Variants in ITGBL1 observed in about 807,000 individuals in gnomAD.
The protein encoded by ITGBL1 is integrin beta-like protein 1.
Under a neutral mutation model 68.5 loss-of-function variants are expected in ITGBL1, and 51 were observed. The ratio of observed to expected loss-of-function variants is 0.74; its 90% CI spans 0.59 to 0.94. The LOEUF (loss-of-function observed/expected upper bound fraction) is 0.94, where lower values mean the gene tolerates loss of function less well. Ranked by LOEUF, ITGBL1 falls within the 40% of genes least tolerant of loss-of-function variation. The probability of loss-of-function intolerance (pLI) is 0.00; values close to 1 mark genes in which losing one functional copy is unlikely to be tolerated. For synonymous variants in ITGBL1, 209 were observed against 227.3 expected (o/e 0.92, Z 0.72); for missense variants, 649 against 647.4 (o/e 1.00, Z -0.03).
chr13:101,678,795 C>T (rs190118888), intron 7 of ITGBL1, among the ~76,000 whole-genome samples: 186 of 151,662 alleles, frequency 1.2e-3, no homozygotes, highest in Admixed American at 3.0e-3. Context: ...CCACTGTGCC[C>T]GGCCCACTTT....
chr13:101,604,008 G>A (rs757103386), intron 7 of ITGBL1, among the ~76,000 whole-genome samples: 8 of 151,652 alleles, frequency 5.3e-5, no homozygotes, highest in Non-Finnish European at 8.8e-5. Context: ...AAACCAATAG[G>A]GATATGCACT....
intron 7 of ITGBL1, among the ~76,000 whole-genome samples, chr13:101,610,935 A>G (rs2031097872): frequency 6.6e-6 from 1 of 152,212 alleles, no homozygotes; most frequent in African/African-American, 2.4e-5. Context: ...TAGGCAGATA[A>G]TAATTTAGAA....
intron 3 of ITGBL1, among the ~76,000 whole-genome samples, chr13:101,574,733 G>A (rs949246486): frequency 6.6e-5 from 10 of 152,124 alleles, no homozygotes; most frequent in African/African-American, 1.9e-4. Flanking sequence ...TGGGGGATGT[G>A]GTAGAATCTT....
intron 2 of ITGBL1, among the ~76,000 whole-genome samples, chr13:101,540,032 G>T (rs2049662864): frequency 6.6e-6 from 1 of 152,044 alleles, no homozygotes; most frequent in Non-Finnish European, 1.5e-5. Context: ...GGCTTATTTT[G>T]CTGTGCAGAA....
At chr13:101,473,442 A>G (rs1467862029) in intron 2 of ITGBL1, among the ~76,000 whole-genome samples, 2 of 152,224 alleles carry the variant, frequency 1.3e-5, no homozygotes, top group African/African-American at 2.4e-5. Context: ...GCTGATGCCT[A>G]CAGACAGATC....
intron 1 of ITGBL1, among the ~76,000 whole-genome samples, 186 bp downstream of exon 1, chr13:101,453,117 C>T (rs533579277): frequency 9.8e-5 from 15 of 152,322 alleles, no homozygotes; most frequent in Admixed American, 5.9e-4. Flanking sequence ...TGTCCTTTTG[C>T]TTTTCCTTTG....
At chr13:101,641,399 G>T (rs2032362110) in intron 7 of ITGBL1, among the ~76,000 whole-genome samples, 1 of 151,814 alleles carries the variant, frequency 6.6e-6, no homozygotes, top group Non-Finnish European at 1.5e-5. Context: ...ATATAGAAAA[G>T]GAGTTAAAAT....
At position 101,509,817 on chromosome 13, in the gene ITGBL1, C is replaced by A. The variant is rs184332276; in HGVS notation, c.316+55717C>A. On this transcript the variant is annotated intron_variant, in intron 2 of 10. Transcript: ENST00000376180. ...TTAGTCTAATCTCCTTGAAAAACAC[C>A]ATTTTTCAAGTTTCCTGTTATTAAC... Among the ~76,000 whole-genome samples the A allele has an allele frequency of 2.6e-5, 4 of 152,134 alleles. No individual in the cohort carries two copies. The East Asian group carries it at 7.7e-4, about 29-fold the overall frequency.
At chr13:101,464,654 G>A (rs9585703) in intron 2 of ITGBL1, among the ~76,000 whole-genome samples, 9,994 of 151,842 alleles carry the variant, frequency 0.066, 989 homozygotes, top group African/African-American at 0.21. Flanking sequence ...TTGATTGCCT[G>A]TACAAACATA....
intron 7 of ITGBL1, among the ~76,000 whole-genome samples, chr13:101,604,924 G>T (rs191533136): frequency 0.014 from 1,023 of 72,884 alleles, 36 homozygotes; most frequent in Non-Finnish European, 0.023. Context: ...ATATATGTGT[G>T]TATATATACG....
chr13:101,686,429 A>G (rs2033756636), intron 7 of ITGBL1, among the ~76,000 whole-genome samples: 1 of 152,182 alleles, frequency 6.6e-6, no homozygotes, highest in Non-Finnish European at 1.5e-5. Context: ...TGTGGTCTAT[A>G]GGTGAGGTCT....
chr13:101,712,699 A>G (rs558017750), intron 9 of ITGBL1: 2 of 152,324 alleles, frequency 1.3e-5, no homozygotes, highest in African/African-American at 4.8e-5. Flanking sequence ...TAGTCAATGA[A>G]ATACTCCATG....
chr13:101,587,840 T>A (rs1379071063), intron 6 of ITGBL1, among the ~76,000 whole-genome samples: 5 of 152,092 alleles, frequency 3.3e-5, no homozygotes, highest in Admixed American at 6.6e-5. Context: ...ATATTGAATT[T>A]AAAAAAAATA....
intron 7 of ITGBL1, among the ~76,000 whole-genome samples, chr13:101,638,024 T>C (rs981610315): frequency 1.3e-5 from 2 of 152,144 alleles, no homozygotes; most frequent in African/African-American, 4.8e-5. Flanking sequence ...TATTACCAGA[T>C]ATTAATTTGA....
rs530864114 is a variant in ITGBL1, at chr13:101,590,526, G to C, written c.868+7170G>C. 3.9e-5 allele frequency among the ~76,000 whole-genome samples: 6 copies of C among 152,208 alleles called. No homozygotes were observed. The East Asian group carries it at 1.2e-3, about 29-fold the overall frequency. ...GGGTCCCGCATCGGCTAGATGTATTGTTCTAACCTTCACAGCCATTAAACT... is the reference window on the plus strand; with the variant it reads ...GGGTCCCGCATCGGCTAGATGTATTCTTCTAACCTTCACAGCCATTAAACT... On this transcript the variant is annotated intron_variant, in intron 6 of 10. Coordinates refer to ENST00000376180, the MANE Select transcript of ITGBL1 (RefSeq NM_004791.3).
At chr13:101,600,714 G>A (rs1039407549) in intron 7 of ITGBL1, among the ~76,000 whole-genome samples, 2 of 152,242 alleles carry the variant, frequency 1.3e-5, no homozygotes, top group East Asian at 3.9e-4. Context: ...TTTTGTCTTT[G>A]GTTCTGTTTA....
chr13:101,628,371 T>G (rs974329274), intron 7 of ITGBL1, among the ~76,000 whole-genome samples: 2 of 152,066 alleles, frequency 1.3e-5, no homozygotes, highest in Non-Finnish European at 2.9e-5. Context: ...TTTGCAAATA[T>G]TTTCTCCTTG....
intron 7 of ITGBL1, among the ~76,000 whole-genome samples, chr13:101,689,868 T>A (rs1024214870): frequency 1.3e-5 from 2 of 152,202 alleles, no homozygotes; most frequent in African/African-American, 2.4e-5. Flanking sequence ...ATAATTCAGT[T>A]ACACTTTTTC....
chr13:101,719,590 G>A (rs557293635), downstream of ITGBL1: 11 of 152,154 alleles, frequency 7.2e-5, no homozygotes, highest in Admixed American at 6.6e-4. Context: ...AAACAAAAAT[G>A]TTGTCACTTG....
Sources: allele counts gnomAD v4.1 joint callset (sites outside exome capture counted in the v4.1 genomes callset), GRCh38; gene constraint gnomAD v4.1.1; transcripts MANE v1.5; gene names NCBI Gene and HGNC (gene_info 2026-07-23, HGNC 2026-07-21).